Variants in PIP4K2A observed in about 807,000 individuals in gnomAD.
PIP4K2A encodes the protein phosphatidylinositol 5-phosphate 4-kinase type-2 alpha.
PIP4K2A carries 14 observed loss-of-function variants against 42.9 expected under a neutral mutation model. The observed-to-expected ratio is 0.33, with a 90% CI of 0.22 to 0.51. The LOEUF (loss-of-function observed/expected upper bound fraction) is 0.51, where lower values mean the gene tolerates loss of function less well. Among genes scored for constraint, PIP4K2A ranks in the 20% least tolerant of loss-of-function variants. The pLI is 0.97. For synonymous variants in PIP4K2A, 192 were observed against 192.2 expected (o/e 1.00, Z 0.01); for missense variants, 434 against 519.8 (o/e 0.83, Z 1.61).
rs367782438 is a variant in PIP4K2A, at chr10:22,687,699, T to C, written c.144+26484A>G. Among the ~76,000 whole-genome samples the C allele has an allele frequency of 6.6e-4, 100 of 152,322 alleles. 1 individual carries two copies. In the East Asian group the frequency reaches 0.017, roughly 25 times the overall value. On this transcript the variant is annotated intron_variant, in intron 1 of 9. Transcript: ENST00000376573. ...TGATACAAAATGACGCAGCTTTGCA[T>C]ATAATCTGCACACATCCTCCTGGAT... is the stretch of plus-strand genomic sequence containing the variant.
chr10:22,594,827 T>C (rs908696993), intron 3 of PIP4K2A, among the ~76,000 whole-genome samples: 1 of 152,216 alleles, frequency 6.6e-6, no homozygotes, highest in Non-Finnish European at 1.5e-5. Flanking sequence ...TATAATCATA[T>C]ATGCAGACAC....
intron 9 of PIP4K2A, 151 bp from the exon 10 acceptor site, chr10:22,537,432 A>G: frequency 1.6e-6 from 1 of 641,972 alleles, no homozygotes; most frequent in Non-Finnish European, 2.7e-6. Context: ...AACATCACTC[A>G]AAATATCTTG....
chr10:22,562,656 G>A (rs983940433), intron 6 of PIP4K2A, among the ~76,000 whole-genome samples: 1 of 152,172 alleles, frequency 6.6e-6, no homozygotes, highest in Non-Finnish European at 1.5e-5. Flanking sequence ...GAGAGAGAAG[G>A]CATGGCATGA....
At chr10:22,690,719 T>C (rs1044945826) in intron 1 of PIP4K2A, among the ~76,000 whole-genome samples, 11 of 152,314 alleles carry the variant, frequency 7.2e-5, no homozygotes, top group South Asian at 2.1e-4. Context: ...ATAACCGTTT[T>C]ACAGAAGAGA....
chr10:22,677,129 CAT>C (rs1035947173), intron 1 of PIP4K2A, among the ~76,000 whole-genome samples: 1 of 152,116 alleles, frequency 6.6e-6, no homozygotes, highest in African/African-American at 2.4e-5. Context: ...TTACCATGTA[CAT>C]GTTTTGCATG....
At chr10:22,706,168 T>A (rs1050263304) in intron 1 of PIP4K2A, among the ~76,000 whole-genome samples, 3 of 152,130 alleles carry the variant, frequency 2.0e-5, no homozygotes, top group African/African-American at 7.2e-5. Context: ...AGATTAGATT[T>A]GAGTGGGGAC....
At chr10:22,540,364 C>CT (rs199836038) in intron 8 of PIP4K2A, among the ~76,000 whole-genome samples, 2,584 of 143,962 alleles carry the variant, frequency 0.018, 52 homozygotes, top group African/African-American at 0.056. Context: ...GGAACGGAGT[C>CT]TTTTTTTTTT....
intron 5 of PIP4K2A, among the ~76,000 whole-genome samples, chr10:22,570,890 C>T (rs1427804820): frequency 5.9e-5 from 9 of 151,838 alleles, no homozygotes; most frequent in Non-Finnish European, 1.3e-4. Flanking sequence ...AACCCAGCGT[C>T]ATTTCAGAAA....
chr10:22,680,335 T>C (rs573657023), intron 1 of PIP4K2A, among the ~76,000 whole-genome samples: 2 of 152,338 alleles, frequency 1.3e-5, no homozygotes, highest in Admixed American at 1.3e-4. Flanking sequence ...CGTGATTATC[T>C]TTAGATGGCC....
chr10:22,637,498 C>T (rs574692800), intron 1 of PIP4K2A, among the ~76,000 whole-genome samples: 2 of 152,358 alleles, frequency 1.3e-5, no homozygotes, highest in African/African-American at 4.8e-5. Context: ...CATAACAACA[C>T]ATGCTGCATA....
At chr10:22,576,687 C>T (rs925104982) in intron 4 of PIP4K2A, among the ~76,000 whole-genome samples, 13 of 152,140 alleles carry the variant, frequency 8.5e-5, no homozygotes, top group African/African-American at 3.1e-4. Flanking sequence ...TAGAACAAAG[C>T]CTGGTGCATA....
intron 7 of PIP4K2A, among the ~76,000 whole-genome samples, chr10:22,549,146 G>A (rs192673368): frequency 3.9e-5 from 6 of 152,258 alleles, no homozygotes; most frequent in East Asian, 1.9e-4. Flanking sequence ...ATCCAAGTAT[G>A]TATACTATAA....
intron 1 of PIP4K2A, among the ~76,000 whole-genome samples, chr10:22,664,142 CATATATATACACATAT>C (rs1839285573): frequency 6.8e-4 from 19 of 27,944 alleles, no homozygotes; most frequent in African/African-American, 5.4e-3. Flanking sequence ...TATATATATA[CATATATATACACATAT>C]ATATATATAC....
intron 1 of PIP4K2A, among the ~76,000 whole-genome samples, chr10:22,688,652 T>C (rs1036390003): frequency 6.6e-6 from 1 of 152,050 alleles, no homozygotes; most frequent in Non-Finnish European, 1.5e-5. Flanking sequence ...GGGGTCCTGC[T>C]ACGTTGCCTA....
chr10:22,572,399 T>C (rs962690566), intron 5 of PIP4K2A, among the ~76,000 whole-genome samples: 7 of 152,210 alleles, frequency 4.6e-5, no homozygotes, highest in Non-Finnish European at 8.8e-5. Context: ...GTGGATTGCT[T>C]GAGCTCAGGA....
chr10:22,570,052 C>G (rs758905554), intron 5 of PIP4K2A, among the ~76,000 whole-genome samples: 1 of 151,710 alleles, frequency 6.6e-6, no homozygotes, highest in Non-Finnish European at 1.5e-5. Context: ...CCTACTTGTC[C>G]GAGGCGCTAT....
At chr10:22,629,702 T>A (rs1463003917) in intron 1 of PIP4K2A, among the ~76,000 whole-genome samples, 1 of 152,196 alleles carries the variant, frequency 6.6e-6, no homozygotes, top group Non-Finnish European at 1.5e-5. Context: ...CTAAATCAGT[T>A]TCACTAGTTT....
At chr10:22,551,641 C>T (rs1236484245) in intron 6 of PIP4K2A, among the ~76,000 whole-genome samples, 1 of 152,198 alleles carries the variant, frequency 6.6e-6, no homozygotes, top group Non-Finnish European at 1.5e-5. Context: ...TCAAAATAAT[C>T]TCCCACCCCT....
intron 7 of PIP4K2A, among the ~76,000 whole-genome samples, chr10:22,548,821 G>T (rs1466888897): frequency 2.6e-5 from 4 of 151,970 alleles, no homozygotes; most frequent in Non-Finnish European, 5.9e-5. Context: ...TGAGGTGGGA[G>T]GATTGCTTGA....
Sources: allele counts gnomAD v4.1 joint callset (sites outside exome capture counted in the v4.1 genomes callset), GRCh38; gene constraint gnomAD v4.1.1; transcripts MANE v1.5; gene names NCBI Gene and HGNC (gene_info 2026-07-23, HGNC 2026-07-21).